Variants in CDC23 observed in about 807,000 individuals in gnomAD.
The protein encoded by CDC23 is cell division cycle 23, also known as cell division cycle protein 23 homolog.
Under a neutral mutation model 81.7 loss-of-function variants are expected in CDC23, and 26 were observed. The ratio of observed to expected loss-of-function variants is 0.32; its 90% CI spans 0.23 to 0.44. The LOEUF is 0.44. CDC23 is among the 20% of genes least tolerant of loss of function. CDC23 has a pLI of 1.00. For synonymous variants in CDC23, 267 were observed against 270.8 expected (o/e 0.99, Z 0.14); for missense variants, 519 against 728.0 (o/e 0.71, Z 3.30).
intron 4 of CDC23, among the ~76,000 whole-genome samples, chr5:138,201,894 G>A (rs1466946504): frequency 6.6e-6 from 1 of 152,174 alleles, no homozygotes; most frequent in Non-Finnish European, 1.5e-5. Flanking sequence ...CAGGGAACAG[G>A]GTAGGGCCAA....
At chr5:138,189,318 G>A (rs1437773164) in intron 15 of CDC23, among the ~76,000 whole-genome samples, 170 bp from the exon 16 acceptor site, 3 of 151,498 alleles carry the variant, frequency 2.0e-5, no homozygotes, top group Non-Finnish European at 4.4e-5. Context: ...GTGCAGTGGT[G>A]TGATCAAGGC....
chr5:138,206,403 A>G (rs1208465099), intron 3 of CDC23, 144 bp downstream of exon 3: 3 of 792,782 alleles, frequency 3.8e-6, no homozygotes, highest in East Asian at 5.3e-5. Flanking sequence ...TTTATTTATG[A>G]TATCTTTTTT....
Position 138,192,537 on chromosome 5 carries a change from A to G in CDC23, c.1133T>C (p.Met378Thr). ...WTLMGHEYMEMKNTSAAIQAY... is the reference protein window; with the variant it reads ...WTLMGHEYMETKNTSAAIQAY... The stretch of plus-strand genomic sequence containing the variant: ...CTGGATAGCAGCAGACGTGTTCTTC[A>G]TCTCCATGTACTCATGTCCCATTAG... The change falls in exon 10 of 16, where the codon ATG becomes ACG. Residue 378 changes from methionine (M) to threonine (T), a missense_variant. This residue lies in a region of CDC23 where 175 missense variants were observed against 337.8 expected (regional missense o/e 0.52). Transcript: ENST00000394886. 1 of 1,614,126 alleles carries G rather than the reference A, an allele frequency of 6.2e-7. No individual in the cohort carries two copies. Among genetic ancestry groups the G allele is most frequent in the Non-Finnish European group, 8.5e-7 (1 of 1,180,022 alleles).
chr5:138,199,892 A>G (rs1754966454), intron 6 of CDC23, among the ~76,000 whole-genome samples: 1 of 152,238 alleles, frequency 6.6e-6, no homozygotes, highest in South Asian at 2.1e-4. Flanking sequence ...AGTGACATAA[A>G]TCACTACTGG....
intron 4 of CDC23, among the ~76,000 whole-genome samples, chr5:138,201,844 A>G (rs1360874899): frequency 1.3e-5 from 2 of 152,206 alleles, no homozygotes; most frequent in Non-Finnish European, 2.9e-5. Flanking sequence ...TTAAAAATCA[A>G]AAACCTCAAA....
At position 138,201,094 on chromosome 5, in the gene CDC23, C is replaced by G; in HGVS notation, c.654+13G>C. ...GAAGCAGAGGGTTTTTCACATAGCT[C>G]ATCACAATTTACCATCTCTTTGTCT... is the stretch of plus-strand genomic sequence containing the variant. On this transcript the variant is annotated intron_variant, in intron 6 of 15. Coordinates refer to ENST00000394886, the MANE Select transcript of CDC23 (RefSeq NM_004661.4). 6.2e-7 allele frequency: 1 copy of G among 1,612,392 alleles called. No homozygotes were observed. The highest frequency in any genetic ancestry group is 8.5e-7 in the Non-Finnish European group (1 of 1,179,620).
rs1487861144 is a variant in CDC23 at position 138,196,745 on chromosome 5, T to G, written c.1012+1454A>C. Among the ~76,000 whole-genome samples the G allele has an allele frequency of 2.0e-5, 3 of 150,766 alleles. No homozygotes were observed. The East Asian group carries it at 5.9e-4, about 30-fold the overall frequency. On this transcript the variant is annotated intron_variant, in intron 9 of 15. Coordinates refer to ENST00000394886, the MANE Select transcript of CDC23 (RefSeq NM_004661.4). ...ACAGGCGCCCGCCACCACGCCCAGC[T>G]AATTTTTTGTATTTTTTGTAGAGAT... is the stretch of plus-strand genomic sequence containing the variant.
rs866572552 is a variant in CDC23, at chr5:138,195,527, A to G, written c.1012+2672T>C. On this transcript the variant is annotated intron_variant, in intron 9 of 15. Transcript: ENST00000394886. Reference sequence around the variant, plus strand: ...AATATATATATATAAATATATATAAATTATATATATTTATATATAATATAA... The same window carrying G: ...AATATATATATATAAATATATATAAGTTATATATATTTATATATAATATAA... Among the ~76,000 whole-genome samples, 421 of 120,528 alleles carry G rather than the reference A, an allele frequency of 3.5e-3. 1 individual carries two copies. Among genetic ancestry groups the G allele is most frequent in the Admixed American group, 5.9e-3 (50 of 8,516 alleles). The allele number at this position is 120,528 out of a possible 152,430, so 79.1% of individuals were successfully genotyped here. A position where few individuals can be genotyped will look rare whatever the true frequency, so the allele number is the denominator to read the frequency against.
intron 2 of CDC23, among the ~76,000 whole-genome samples, chr5:138,208,463 CCTAA>C (rs2126589916): frequency 6.6e-6 from 1 of 152,162 alleles, no homozygotes; most frequent in East Asian, 1.9e-4. Flanking sequence ...TTTCTTTCCC[CCTAA>C]CTCTTTCACC....
At chr5:138,202,186 T>C in intron 3 of CDC23, 31 bp from the exon 4 acceptor site, 1 of 1,559,492 alleles carries the variant, frequency 6.4e-7, no homozygotes, top group Non-Finnish European at 8.8e-7. Flanking sequence ...ATAGGTCTTT[T>C]TTCAGTTTAT....
rs773724901 is a variant in CDC23, at chr5:138,191,510, C to T, written c.1388G>A (p.Gly463Glu). Residue 463 changes from glycine to glutamate, a missense_variant, in exon 13 of 16, where the codon GGA (glycine) becomes GAA (glutamate). Gly to Glu is a moderately conservative substitution (Grantham distance 98, BLOSUM62 -2). Transcript: ENST00000394886. ...KKCYWRAYAV[G>E]DVEKMALVKL... ...CACCAGAGCCATTTTCTCCACATCT[C>T]CCACGGCGTAAGCTCTCCAATAACA... The T allele has an allele frequency of 1.2e-6, 2 of 1,614,188 alleles. No homozygotes were observed. Among genetic ancestry groups the T allele is most frequent in the East Asian group, 2.2e-5 (1 of 44,890 alleles).
Position 138,188,807 on chromosome 5 carries a change from G to A in CDC23, c.*171C>T. ...GCAAGATAATGTCTGTTCCTGCCAG[G>A]ATTCTGTCAGTTGGCCTCTGAAGGT... On this transcript the variant is annotated 3_prime_UTR_variant, in exon 16 of 16. Coordinates refer to ENST00000394886, the MANE Select transcript of CDC23 (RefSeq NM_004661.4). 1 of 525,078 alleles carries A rather than the reference G, an allele frequency of 1.9e-6. No individual in the cohort carries two copies. The highest frequency in any genetic ancestry group is 3.3e-6 in the Non-Finnish European group (1 of 304,356). The allele number at this position is 525,078 out of a possible 1,614,324, so 32.5% of individuals were successfully genotyped here. A position where few individuals can be genotyped will look rare whatever the true frequency, so the allele number is the denominator to read the frequency against.
chr5:138,202,432 C>T (rs1177458898), intron 3 of CDC23, among the ~76,000 whole-genome samples: 4 of 152,130 alleles, frequency 2.6e-5, no homozygotes, highest in Non-Finnish European at 5.9e-5. Flanking sequence ...TACAGGCACC[C>T]GCCACCACGC....
chr5:138,192,159 TC>T, intron 11 of CDC23, 109 bp downstream of exon 11: 1 of 1,381,364 alleles, frequency 7.2e-7, no homozygotes. Context: ...TAACCTCAGA[TC>T]CCCAAGAGCC....
chr5:138,190,138 G>A (rs1388645006), intron 13 of CDC23: 1 of 531,528 alleles, frequency 1.9e-6, no homozygotes, highest in Non-Finnish European at 3.3e-6. Flanking sequence ...TAATATCTAA[G>A]CTAGATAAAC....
In CDC23 at chr5:138,198,254, C is replaced by G; in HGVS notation, c.957G>C (p.Leu319=). ...TATCAATCTCACAGAGGTTATGAGC[C>G]AGATAACTCAACTCCGATTTCATGC... ...VRSMKSELSY[L]AHNLCEIDKY... is the part of the protein sequence containing the mutation. Residue 319 remains leucine, a synonymous_variant, in exon 9 of 16, where the codon CTG becomes CTC. Transcript: ENST00000394886. 1 of 1,613,752 alleles carries G rather than the reference C, an allele frequency of 6.2e-7. No homozygotes were observed. The highest frequency in any genetic ancestry group is 1.1e-5 in the South Asian group (1 of 91,062).
intron 3 of CDC23, among the ~76,000 whole-genome samples, chr5:138,205,320 T>G (rs190164845): frequency 4.4e-4 from 67 of 152,306 alleles, no homozygotes; most frequent in African/African-American, 1.5e-3. Flanking sequence ...ATAAGCAAAC[T>G]GTGGTATATA....
At chr5:138,189,239 T>A in intron 15 of CDC23, 91 bp from the exon 16 acceptor site, 1 of 1,234,938 alleles carries the variant, frequency 8.1e-7, no homozygotes. Flanking sequence ...GTTCCACAGA[T>A]CAAGGAGGCG....
In CDC23 at chr5:138,192,279, G is replaced by A; in HGVS notation, c.1276C>T (p.His426Tyr). ...AGTGACCAGGCTTACCGAAGCTGGT[G>A]GGCCCGTCTATAATAATAAAGGCAG... is the stretch of plus-strand genomic sequence containing the variant. The part of the protein sequence containing the change: ...FYCLYYYRRA[H>Y]QLRPNDSRML... The change falls in exon 11 of 16, where the codon CAC becomes TAC. Residue 426 changes from histidine to tyrosine, a missense_variant. This residue lies in a region of CDC23 where 175 missense variants were observed against 337.8 expected (regional missense o/e 0.52). Coordinates refer to ENST00000394886, the MANE Select transcript of CDC23 (RefSeq NM_004661.4). 6.2e-7 allele frequency: 1 copy of A among 1,614,148 alleles called. No individual in the cohort carries two copies. The highest frequency in any genetic ancestry group is 8.5e-7 in the Non-Finnish European group (1 of 1,180,010).
Sources: gnomAD v4.1 joint callset for allele counts (sites outside exome capture counted in the v4.1 genomes callset) on GRCh38, gnomAD v4.1.1 for gene constraint, gnomAD v4.1.1 regional missense constraint, MANE v1.5 for transcripts, NCBI Gene and HGNC (gene_info 2026-07-23, HGNC 2026-07-21) for gene names.